Variants in KAT2B observed in about 807,000 individuals in gnomAD.
KAT2B encodes the protein histone acetyltransferase KAT2B.
Under a neutral mutation model 105.9 loss-of-function variants are expected in KAT2B, and 36 were observed. The observed-to-expected ratio is 0.34, with a 90% CI of 0.26 to 0.45. KAT2B has a LOEUF of 0.45. Ranked by LOEUF, KAT2B falls within the 20% of genes least tolerant of loss-of-function variation. The pLI, the probability that KAT2B is intolerant of heterozygous loss-of-function variation, is 1.00. For synonymous variants in KAT2B, 397 were observed against 377.9 expected (o/e 1.05, Z -0.59); for missense variants, 820 against 1,021.6 (o/e 0.80, Z 2.69).
chr3:20,099,412 C>T (rs1381957215), intron 3 of KAT2B, among the ~76,000 whole-genome samples: 3 of 152,194 alleles, frequency 2.0e-5, no homozygotes, highest in Non-Finnish European at 4.4e-5. Context: ...TGGTCTCTCA[C>T]GTCTTTAAAT....
At position 20,153,749 on chromosome 3, in the gene KAT2B, T is replaced by C. The variant is rs1191958581; in HGVS notation, c.*1224T>C. On this transcript the variant is annotated 3_prime_UTR_variant, in exon 18 of 18. Coordinates refer to ENST00000263754, the MANE Select transcript of KAT2B (RefSeq NM_003884.5). The stretch of plus-strand genomic sequence containing the variant: ...TACAACCATATAAATGAAGGCCATC[T>C]TGATGGTCTCAACACTAATTTTTAT... 1.3e-5 allele frequency: 2 copies of C among 152,636 alleles called. No individual in the cohort carries two copies. The highest frequency in any genetic ancestry group is 4.8e-5 in the African/African-American group (2 of 41,458). 9.5% of individuals were successfully genotyped at this position (152,636 alleles called of 1,614,324 possible).
At chr3:20,139,221 CTTTT>C (rs781490524) in intron 12 of KAT2B, among the ~76,000 whole-genome samples, 1 of 151,672 alleles carries the variant, frequency 6.6e-6, no homozygotes, top group Non-Finnish European at 1.5e-5. Flanking sequence ...AGCCAGACTT[CTTTT>C]TTTTTAAAAA....
At chr3:20,067,219 C>A (rs1698238788) in intron 1 of KAT2B, among the ~76,000 whole-genome samples, 1 of 152,118 alleles carries the variant, frequency 6.6e-6, no homozygotes, top group South Asian at 2.1e-4. Flanking sequence ...AAGAAAAGAT[C>A]TTTATTCAGT....
At chr3:20,142,260 C>T (rs1172194054) in intron 13 of KAT2B, among the ~76,000 whole-genome samples, 2 of 152,146 alleles carry the variant, frequency 1.3e-5, no homozygotes, top group African/African-American at 2.4e-5. Context: ...TTTTTCTCCT[C>T]TCCTCCCCCT....
chr3:20,062,050 TATA>T (rs1292266165), intron 1 of KAT2B, among the ~76,000 whole-genome samples: 5 of 75,754 alleles, frequency 6.6e-5, no homozygotes, highest in African/African-American at 8.8e-5. Flanking sequence ...ATATAAAACA[TATA>T]ATATATATTA....
chr3:20,107,656 CAA>C (rs577426047), intron 5 of KAT2B, among the ~76,000 whole-genome samples: 7 of 95,660 alleles, frequency 7.3e-5, no homozygotes, highest in African/African-American at 1.4e-4. Context: ...TACTATGTCT[CAA>C]AAAAAAAAAA....
intron 2 of KAT2B, among the ~76,000 whole-genome samples, chr3:20,083,601 GTTGT>G (rs1413259102): frequency 1.3e-5 from 2 of 152,200 alleles, no homozygotes; most frequent in Non-Finnish European, 2.9e-5. Context: ...TAGAGATGGG[GTTGT>G]TTAAGGAAAG....
chr3:20,133,665 TA>T (rs1699549768), intron 11 of KAT2B, among the ~76,000 whole-genome samples: 1 of 152,232 alleles, frequency 6.6e-6, no homozygotes, highest in Non-Finnish European at 1.5e-5. Context: ...AGAATTCCTA[TA>T]TGAATGAATA....
intron 2 of KAT2B, among the ~76,000 whole-genome samples, chr3:20,092,548 C>A (rs551499444): frequency 3.3e-5 from 5 of 150,962 alleles, no homozygotes; most frequent in African/African-American, 1.2e-4. Flanking sequence ...TTAATGTTTG[C>A]TTTATATTAT....
At chr3:20,090,627 A>G (rs1400160382) in intron 2 of KAT2B, among the ~76,000 whole-genome samples, 6 of 152,174 alleles carry the variant, frequency 3.9e-5, no homozygotes, top group African/African-American at 1.4e-4. Context: ...ATCCATGTTC[A>G]TCAGGGATAT....
At chr3:20,119,783 G>A (rs1025752307) in intron 8 of KAT2B, 60 bp downstream of exon 8, 3 of 1,580,790 alleles carry the variant, frequency 1.9e-6, no homozygotes, top group Admixed American at 1.7e-5. Context: ...TCCATTACCT[G>A]AGGAGTGCAA....
At chr3:20,054,864 A>T (rs1256547462) in intron 1 of KAT2B, among the ~76,000 whole-genome samples, 1 of 152,220 alleles carries the variant, frequency 6.6e-6, no homozygotes, top group Non-Finnish European at 1.5e-5. Context: ...CGAAAGGAAC[A>T]CATCTGTGAG....
chr3:20,148,223 T>C lies in KAT2B; in HGVS notation c.2157-20T>C, dbSNP rs1484388362. The C allele has an allele frequency of 1.2e-6, 2 of 1,604,730 alleles. No homozygotes were observed. The highest frequency in any genetic ancestry group is 1.7e-6 in the Non-Finnish European group (2 of 1,172,110). On this transcript the variant is annotated intron_variant, in intron 15 of 17. Coordinates refer to ENST00000263754, the MANE Select transcript of KAT2B (RefSeq NM_003884.5). ...GTAAAACTCTAATCATTGCTCCTTG[T>C]TTCCCTTTTTCCTTTCAAGTAAAGA...
chr3:20,069,960 A>G (rs1283687872), intron 1 of KAT2B, among the ~76,000 whole-genome samples: 3 of 152,162 alleles, frequency 2.0e-5, no homozygotes. Context: ...GGCCTCTGAG[A>G]TCTTTGCAAC....
intron 1 of KAT2B, among the ~76,000 whole-genome samples, chr3:20,070,106 A>T (rs1698293651): frequency 6.6e-6 from 1 of 151,958 alleles, no homozygotes; most frequent in African/African-American, 2.4e-5. Flanking sequence ...TCACTGGGGG[A>T]TGTAGCTATG....
chr3:20,114,736 A>G (rs1016832420), intron 6 of KAT2B, 146 bp from the exon 7 acceptor site: 8 of 589,042 alleles, frequency 1.4e-5, no homozygotes, highest in African/African-American at 9.3e-5. Flanking sequence ...CTGCCCAACT[A>G]AATCATAATT....
intron 12 of KAT2B, among the ~76,000 whole-genome samples, 185 bp downstream of exon 12, chr3:20,137,237 G>C (rs1699618178): frequency 6.6e-6 from 1 of 152,198 alleles, no homozygotes; most frequent in African/African-American, 2.4e-5. Context: ...CACATAGTAA[G>C]TATTGAATAA....
intron 5 of KAT2B, among the ~76,000 whole-genome samples, chr3:20,103,856 C>T (rs947640364): frequency 6.6e-6 from 1 of 152,102 alleles, no homozygotes; most frequent in African/African-American, 2.4e-5. Context: ...TCCATCTCTC[C>T]CTTTTTACAT....
intron 12 of KAT2B, among the ~76,000 whole-genome samples, chr3:20,138,886 T>C (rs1699649557): frequency 6.6e-6 from 1 of 152,068 alleles, no homozygotes; most frequent in Non-Finnish European, 1.5e-5. Context: ...TTGTTTTGGT[T>C]TGGATTTTGT....
Sources: gnomAD v4.1 joint callset for allele counts (sites outside exome capture counted in the v4.1 genomes callset) on GRCh38, gnomAD v4.1.1 for gene constraint, MANE v1.5 for transcripts, NCBI Gene and HGNC (gene_info 2026-07-23, HGNC 2026-07-21) for gene names.